Variants in SIDT1 observed in about 807,000 individuals in gnomAD.
SIDT1 encodes the protein SID1 transmembrane family member 1.
SIDT1 carries 101 observed loss-of-function variants against 107.5 expected under a neutral mutation model. That is an observed-to-expected ratio of 0.94 (90% CI 0.80 to 1.11). The LOEUF (loss-of-function observed/expected upper bound fraction) is 1.11, where lower values mean the gene tolerates loss of function less well. Among genes scored for constraint, SIDT1 ranks in the 50% least tolerant of loss-of-function variants. SIDT1 has a pLI of 0.00. For synonymous variants in SIDT1, 395 were observed against 398.2 expected, an observed-to-expected ratio of 0.99 and a Z score of 0.10; for missense variants, 1,076 against 1,058.2, an observed-to-expected ratio of 1.02 and a Z score of -0.23.
intron 10 of SIDT1, among the ~76,000 whole-genome samples, chr3:113,601,015 G>A (rs974029615): frequency 6.6e-6 from 1 of 152,186 alleles, no homozygotes; most frequent in African/African-American, 2.4e-5. Context: ...CAGAAGCCTT[G>A]CTGTCCAGCT....
At chr3:113,546,655 G>A (rs1290872477) in intron 1 of SIDT1, among the ~76,000 whole-genome samples, 1 of 151,346 alleles carries the variant, frequency 6.6e-6, no homozygotes, top group South Asian at 2.1e-4. Flanking sequence ...GAATTTCTTC[G>A]TTTCTTACTT....
At chr3:113,613,762 T>C (rs909886051) in intron 19 of SIDT1, among the ~76,000 whole-genome samples, 2 of 152,264 alleles carry the variant, frequency 1.3e-5, no homozygotes, top group Admixed American at 6.5e-5. Context: ...ATATATGCAA[T>C]GGTAGTAACC....
At chr3:113,588,218 A>G (rs1943881600) in intron 9 of SIDT1, among the ~76,000 whole-genome samples, 1 of 152,208 alleles carries the variant, frequency 6.6e-6, no homozygotes, top group Non-Finnish European at 1.5e-5. Flanking sequence ...GCCACAGATT[A>G]TTTTGCTATG....
At chr3:113,556,823 T>TTTTTTTTTC (rs1553782958) in intron 1 of SIDT1, among the ~76,000 whole-genome samples, 2 of 121,934 alleles carry the variant, frequency 1.6e-5, no homozygotes, top group African/African-American at 7.2e-5. Context: ...TTCTTTTTCT[T>TTTTTTTTTC]TTTTTTTTTT....
intron 1 of SIDT1, among the ~76,000 whole-genome samples, chr3:113,545,220 T>C (rs1036821851): frequency 6.7e-6 from 1 of 149,508 alleles, no homozygotes; most frequent in Non-Finnish European, 1.5e-5. Context: ...AGTTTTAGCA[T>C]CCACTGATTA....
chr3:113,603,429 C>T (rs965722375), intron 12 of SIDT1, among the ~76,000 whole-genome samples: 1 of 152,128 alleles, frequency 6.6e-6, no homozygotes, highest in African/African-American at 2.4e-5. Flanking sequence ...AGGAAGGGAT[C>T]CAACCAGATT....
chr3:113,601,168 G>T (rs1944932972), intron 10 of SIDT1, among the ~76,000 whole-genome samples: 1 of 152,160 alleles, frequency 6.6e-6, no homozygotes, highest in African/African-American at 2.4e-5. Flanking sequence ...CTTTATGGGG[G>T]AAATTAATGG....
At chr3:113,583,639 G>GA (rs1309216025) in intron 7 of SIDT1, 143 bp downstream of exon 7, 7 of 511,826 alleles carry the variant, frequency 1.4e-5, no homozygotes, top group African/African-American at 9.4e-5. Flanking sequence ...AGAGATACTT[G>GA]AGAAAAAAAA....
chr3:113,613,008 G>A (rs556596913), intron 19 of SIDT1, among the ~76,000 whole-genome samples: 1 of 152,224 alleles, frequency 6.6e-6, no homozygotes, highest in South Asian at 2.1e-4. Context: ...AAGGAGGGAA[G>A]AAGGGAGGGA....
intron 1 of SIDT1, among the ~76,000 whole-genome samples, chr3:113,564,142 A>G (rs1476168676): frequency 6.6e-6 from 1 of 152,090 alleles, no homozygotes; most frequent in Non-Finnish European, 1.5e-5. Flanking sequence ...AAGACTGGGT[A>G]TCTCCATGTT....
At chr3:113,570,809 C>A (rs1421060408) in intron 3 of SIDT1, among the ~76,000 whole-genome samples, 1 of 152,140 alleles carries the variant, frequency 6.6e-6, no homozygotes, top group Admixed American at 6.5e-5. Flanking sequence ...GAGTGGCAGC[C>A]TATAATGTAT....
At chr3:113,597,165 C>T (rs966534575) in intron 10 of SIDT1, among the ~76,000 whole-genome samples, 2 of 152,066 alleles carry the variant, frequency 1.3e-5, no homozygotes, top group African/African-American at 2.4e-5. Flanking sequence ...TGAAACAAAA[C>T]GTGACACTAA....
intron 1 of SIDT1, among the ~76,000 whole-genome samples, chr3:113,555,849 C>CTT (rs11367567): frequency 4.0e-4 from 51 of 126,786 alleles, no homozygotes; most frequent in African/African-American, 1.4e-3. Context: ...ACTATATAAT[C>CTT]TTTTTTTTTT....
Position 113,628,717 on chromosome 3 carries a change from G to C in SIDT1, c.*1009G>C, listed in dbSNP as rs550374910. Reference sequence around the variant, plus strand: ...GGAAGAAATCAGCATTCTAATCAGGGACACTACTTCAGGAGTCCTCCACAG... The same window carrying C: ...GGAAGAAATCAGCATTCTAATCAGGCACACTACTTCAGGAGTCCTCCACAG... On this transcript the variant is annotated 3_prime_UTR_variant, in exon 25 of 25. Transcript: ENST00000264852. 6.6e-6 allele frequency: 1 copy of C among 152,246 alleles called. No homozygotes were observed. Among genetic ancestry groups the C allele is most frequent in the Non-Finnish European group, 1.5e-5 (1 of 68,096 alleles). 9.4% of individuals were successfully genotyped at this position (152,246 alleles called of 1,614,324 possible). A position where few individuals can be genotyped will look rare whatever the true frequency, so the allele number is the denominator to read the frequency against.
intron 22 of SIDT1, 35 bp downstream of exon 22, chr3:113,623,567 C>T (rs1414122400): frequency 6.2e-7 from 1 of 1,604,164 alleles, no homozygotes; most frequent in South Asian, 1.1e-5. Context: ...TACCTCGGGC[C>T]CTCGGGCAGG....
intron 10 of SIDT1, 132 bp from the exon 11 acceptor site, chr3:113,601,456 G>T (rs1944953164): frequency 1.8e-6 from 1 of 570,836 alleles, no homozygotes; most frequent in Non-Finnish European, 3.1e-6. Flanking sequence ...TAGTTTTGGT[G>T]ACTCCTGTAT....
At chr3:113,636,238 C>T in the SIDT1 span, among the ~76,000 whole-genome samples, 3 of 151,968 alleles carry the variant, frequency 2.0e-5, no homozygotes, top group Admixed American at 1.3e-4. Flanking sequence ...AACCCTGTCC[C>T]TACTAAAAAT....
intron 19 of SIDT1, among the ~76,000 whole-genome samples, chr3:113,615,589 T>C (rs1292543128): frequency 6.6e-6 from 1 of 152,260 alleles, no homozygotes; most frequent in Non-Finnish European, 1.5e-5. Flanking sequence ...TCAGTTCAGA[T>C]AGATTTTCTG....
chr3:113,608,665 G>A, intron 17 of SIDT1, 129 bp downstream of exon 17: 1 of 713,984 alleles, frequency 1.4e-6, no homozygotes, highest in Non-Finnish European at 2.5e-6. Context: ...AGATCAGAGA[G>A]GACCTCCACA....
Sources: allele counts gnomAD v4.1 joint callset (sites outside exome capture counted in the v4.1 genomes callset), GRCh38; gene constraint gnomAD v4.1.1; transcripts MANE v1.5; gene names NCBI Gene and HGNC (gene_info 2026-07-23, HGNC 2026-07-21).